Variants in EXOC4 observed in about 807,000 individuals in gnomAD.
EXOC4 encodes SEC8-like 1.
Under a neutral mutation model 107.2 loss-of-function variants are expected in EXOC4, and 71 were observed. That is an observed-to-expected ratio of 0.66 (90% CI 0.55 to 0.81). The LOEUF is 0.81. EXOC4 is among the 30% of genes least tolerant of loss of function. The pLI is 0.00. For synonymous variants in EXOC4, 456 were observed against 441.2 expected (o/e 1.03, Z -0.42); for missense variants, 1,108 against 1,189.6 (o/e 0.93, Z 1.01).
chr7:133,282,991 G>C (rs1273030292), intron 2 of EXOC4, among the ~76,000 whole-genome samples: 1 of 152,118 alleles, frequency 6.6e-6, no homozygotes, highest in African/African-American at 2.4e-5. Flanking sequence ...CTATGAGTTT[G>C]ACTTTCTTAG....
the EXOC4 span, among the ~76,000 whole-genome samples, chr7:134,085,737 G>T: frequency 6.6e-6 from 1 of 152,164 alleles, no homozygotes; most frequent in African/African-American, 2.4e-5. Context: ...TATCCCTAGG[G>T]TGTTTGTCAA....
chr7:133,819,504 C>G (rs1178570818), intron 11 of EXOC4, among the ~76,000 whole-genome samples: 1 of 151,502 alleles, frequency 6.6e-6, no homozygotes, highest in African/African-American at 2.4e-5. Context: ...ATGCATGTTG[C>G]ATGGATGGAT....
At chr7:134,098,583 T>G in the EXOC4 span, among the ~76,000 whole-genome samples, 1 of 152,088 alleles carries the variant, frequency 6.6e-6, no homozygotes, top group East Asian at 1.9e-4. Context: ...GCTGAGAACA[T>G]CAGTACTTCA....
rs1794927383 is a variant in EXOC4 at position 133,253,090 on chromosome 7, C to T, written c.-12C>T. 6 of 1,613,888 alleles carry T rather than the reference C, an allele frequency of 3.7e-6. No individual in the cohort carries two copies. In the East Asian group the frequency reaches 6.7e-5, roughly 18 times the overall value. On this transcript the variant is annotated 5_prime_UTR_variant, in exon 1 of 18. Transcript: ENST00000253861. ...GCTTCCTTGGAGCCTAGCGGCTCTC[C>T]CCGCGTCCAAGATGGCGGCAGAAGC...
At chr7:133,778,343 G>A (rs768047481) in intron 10 of EXOC4, among the ~76,000 whole-genome samples, 3 of 152,234 alleles carry the variant, frequency 2.0e-5, no homozygotes, top group South Asian at 4.2e-4. Flanking sequence ...ACCTATAATC[G>A]AAGACCAGAA....
intron 9 of EXOC4, among the ~76,000 whole-genome samples, chr7:133,487,972 T>C (rs769357003): frequency 8.5e-5 from 13 of 152,160 alleles, no homozygotes; most frequent in Non-Finnish European, 1.8e-4. Flanking sequence ...GAGTTAAGCC[T>C]TGTTAAAATA....
intron 7 of EXOC4, among the ~76,000 whole-genome samples, chr7:133,472,178 G>A (rs58900762): frequency 4.5e-4 from 68 of 152,312 alleles, no homozygotes; most frequent in African/African-American, 1.6e-3. Context: ...GATGATGAAA[G>A]GAGTAGCCTT....
At chr7:134,000,775 T>G (rs1244649479) in intron 15 of EXOC4, among the ~76,000 whole-genome samples, 1 of 152,168 alleles carries the variant, frequency 6.6e-6, no homozygotes, top group Non-Finnish European at 1.5e-5. Flanking sequence ...GGTTAGCTCC[T>G]GTCTCTGGCA....
the EXOC4 span, among the ~76,000 whole-genome samples, chr7:134,082,735 G>A: frequency 5.8e-3 from 889 of 152,256 alleles, 15 homozygotes; most frequent in African/African-American, 0.02. Flanking sequence ...CACCGTACCC[G>A]GCCTACTACA....
intron 9 of EXOC4, among the ~76,000 whole-genome samples, chr7:133,513,159 T>G (rs1256786738): frequency 6.6e-6 from 1 of 152,170 alleles, no homozygotes; most frequent in African/African-American, 2.4e-5. Flanking sequence ...ATGTCTGGTA[T>G]TTTTAAAAAT....
At chr7:133,887,796 T>C (rs181735296) in intron 11 of EXOC4, among the ~76,000 whole-genome samples, 90 of 152,272 alleles carry the variant, frequency 5.9e-4, no homozygotes, top group African/African-American at 2.0e-3. Context: ...GTCTCCTTTA[T>C]TAATTGCTGC....
chr7:133,424,575 A>G (rs920991846), intron 7 of EXOC4, among the ~76,000 whole-genome samples: 27 of 152,172 alleles, frequency 1.8e-4, no homozygotes, highest in African/African-American at 6.5e-4. Flanking sequence ...TTCCAACACA[A>G]TAGGTGTTTA....
intron 11 of EXOC4, among the ~76,000 whole-genome samples, chr7:133,883,183 T>C (rs1166837386): frequency 6.6e-6 from 1 of 152,180 alleles, no homozygotes; most frequent in African/African-American, 2.4e-5. Flanking sequence ...TGACTCAGCC[T>C]AAGAGCTGCA....
rs144680892 is a variant in EXOC4 at position 133,938,016 on chromosome 7, A to G, written c.2153A>G (p.Glu718Gly). ...KALANMHESL[E>G]WLASRTKSAF... ...TTGGCCAACATGCATGAAAGCCTGG[A>G]ATGGTTGGCAAGTCGAACAAAGTCA... is the stretch of plus-strand genomic sequence containing the variant. Residue 718 changes from glutamate (E) to glycine (G), a missense_variant, in exon 14 of 18, where the codon GAA becomes GGA. By Grantham distance (98) the Glu-to-Gly change is moderately conservative. Coordinates refer to ENST00000253861, the MANE Select transcript of EXOC4 (RefSeq NM_021807.4). The G allele has an allele frequency of 6.2e-7, 1 of 1,614,130 alleles. No homozygotes were observed. Among genetic ancestry groups the G allele is most frequent in the African/African-American group, 1.3e-5 (1 of 75,018 alleles).
chr7:133,907,820 G>GGAAGAGGAGGAA (rs71162041), intron 12 of EXOC4, among the ~76,000 whole-genome samples: 70,075 of 150,804 alleles, frequency 0.46, 17,612 homozygotes, highest in African/African-American at 0.65. Flanking sequence ...AGAAGAAGGA[G>GGAAGAGGAGGAA]GAGGAGGAGG....
At chr7:133,655,871 CATT>C (rs1210622165) in intron 10 of EXOC4, among the ~76,000 whole-genome samples, 6 of 152,214 alleles carry the variant, frequency 3.9e-5, no homozygotes, top group South Asian at 2.1e-4. Context: ...AAACCAGTGA[CATT>C]GTTGTTTGTT....
intron 9 of EXOC4, among the ~76,000 whole-genome samples, chr7:133,606,192 A>T (rs567928580): frequency 6.4e-4 from 97 of 152,194 alleles, no homozygotes; most frequent in Admixed American, 1.6e-3. Context: ...CTAATCCCCT[A>T]CAAGTCTTCT....
intron 3 of EXOC4, among the ~76,000 whole-genome samples, chr7:133,292,884 A>G (rs1379850228): frequency 6.6e-6 from 1 of 152,168 alleles, no homozygotes; most frequent in African/African-American, 2.4e-5. Context: ...ACAGAGAGAA[A>G]AAGGTATTTC....
At chr7:133,575,314 A>G (rs1382162393) in intron 9 of EXOC4, among the ~76,000 whole-genome samples, 1 of 152,194 alleles carries the variant, frequency 6.6e-6, no homozygotes, top group African/African-American at 2.4e-5. Flanking sequence ...TGGTGGTGAT[A>G]GTGGTGATAA....
Sources: gnomAD v4.1 joint callset for allele counts (sites outside exome capture counted in the v4.1 genomes callset) on GRCh38, gnomAD v4.1.1 for gene constraint, MANE v1.5 for transcripts, NCBI Gene and HGNC (gene_info 2026-07-23, HGNC 2026-07-21) for gene names.